Variants in GRIP1 observed in about 807,000 individuals in gnomAD.
The protein encoded by GRIP1 is glutamate receptor-interacting protein 1.
Under a neutral mutation model 129.9 loss-of-function variants are expected in GRIP1, and 45 were observed. The observed-to-expected ratio is 0.35, with a 90% confidence interval of 0.27 to 0.44. GRIP1 has a LOEUF of 0.44. Among genes scored for constraint, GRIP1 ranks in the 20% least tolerant of loss-of-function variants. The pLI, the probability that GRIP1 is intolerant of heterozygous loss-of-function variation, is 1.00. For missense variants in GRIP1, 1,196 were observed against 1,396.8 expected (o/e 0.86, Z 2.29); for synonymous variants, 530 against 520.8 (o/e 1.02, Z -0.24).
intron 15 of GRIP1, among the ~76,000 whole-genome samples, chr12:66,410,337 A>C (rs1316160024): frequency 6.7e-6 from 1 of 149,608 alleles, no homozygotes. Context: ...AGATGAAAGA[A>C]AAAAAAAAGC....
chr12:66,438,514 GT>G (rs34393525), intron 13 of GRIP1, among the ~76,000 whole-genome samples: 63,813 of 139,368 alleles, frequency 0.46, 17,387 homozygotes, highest in Non-Finnish European at 0.62. Context: ...TTGAGACGGA[GT>G]TTTTTTTTTT....
rs376336045 is a variant in GRIP1, at chr12:66,692,413, C to T, written c.-419-62077G>A. On this transcript the variant is annotated intron_variant, in intron 1 of 4. Coordinates refer to the GRIP1 transcript ENST00000538373. ...GGCACTGCGTCTACATGGCATCTTA[C>T]AACTCTTTGATTGCTGTGATGACAG... 7.9e-5 allele frequency among the ~76,000 whole-genome samples: 12 copies of T among 152,274 alleles called. No homozygotes were observed. In the East Asian group the frequency reaches 1.9e-3, roughly 24 times the overall value.
chr12:66,501,677 C>T (rs1247852037), intron 7 of GRIP1, among the ~76,000 whole-genome samples: 1 of 152,142 alleles, frequency 6.6e-6, no homozygotes, highest in Non-Finnish European at 1.5e-5. Flanking sequence ...ATCGCCTCCC[C>T]TGACAGAATT....
upstream of GRIP1, among the ~76,000 whole-genome samples, chr12:66,805,982 T>C (rs527373877): frequency 2.5e-4 from 38 of 150,946 alleles, no homozygotes; most frequent in South Asian, 7.7e-3. Context: ...TTTTTTCTTT[T>C]TTTTTTTTTT....
intron 1 of GRIP1, among the ~76,000 whole-genome samples, chr12:66,622,128 G>C (rs1183737338): frequency 6.6e-6 from 1 of 151,650 alleles, no homozygotes; most frequent in South Asian, 2.1e-4. Context: ...TTTTCTTCTG[G>C]TGGCTGTGCT....
chr12:66,542,467 A>G (rs980411016), intron 2 of GRIP1, among the ~76,000 whole-genome samples: 4 of 152,222 alleles, frequency 2.6e-5, no homozygotes, highest in Non-Finnish European at 4.4e-5. Context: ...TTGTCTTTCA[A>G]AAACAAAGTA....
At chr12:66,529,360 T>C (rs530833328) in intron 5 of GRIP1, among the ~76,000 whole-genome samples, 1 of 152,346 alleles carries the variant, frequency 6.6e-6, no homozygotes, top group South Asian at 2.1e-4. Context: ...GCAGCACGAT[T>C]TGCAATTGCA....
intron 1 of GRIP1, among the ~76,000 whole-genome samples, chr12:67,027,210 C>T (rs928263940): frequency 2.6e-5 from 4 of 152,196 alleles, no homozygotes; most frequent in Admixed American, 1.3e-4. Context: ...CAGTGAGCAC[C>T]TGAACTTCCA....
chr12:66,881,072 T>C (rs1487102118), intron 1 of GRIP1, among the ~76,000 whole-genome samples: 1 of 152,180 alleles, frequency 6.6e-6, no homozygotes, highest in Admixed American at 6.5e-5. Context: ...AGTTTTCACT[T>C]TTTTCCTTTC....
rs150327795 is a variant in GRIP1 at position 67,028,987 on chromosome 12, G to A, written c.58+40063C>T. On this transcript the variant is annotated intron_variant, in intron 1 of 1. Coordinates refer to the GRIP1 transcript ENST00000643019. Reference sequence around the variant, plus strand: ...ATAATTTTATAAACATGAAGTCTTGGGCTTCAATATTTAATAGGTTTACAT... The same window carrying A: ...ATAATTTTATAAACATGAAGTCTTGAGCTTCAATATTTAATAGGTTTACAT... Among the ~76,000 whole-genome samples, 420 of 151,908 alleles carry A rather than the reference G, an allele frequency of 2.8e-3. 3 individuals carry two copies. Among genetic ancestry groups the A allele is most frequent in the African/African-American group, 9.6e-3 (399 of 41,434 alleles).
intron 1 of GRIP1, among the ~76,000 whole-genome samples, chr12:67,014,998 A>G (rs748127675): frequency 1.3e-5 from 2 of 152,318 alleles, no homozygotes; most frequent in East Asian, 1.9e-4. Context: ...AAATAAATAA[A>G]TGGAAAAATA....
At chr12:66,928,315 G>A (rs184238792) in intron 1 of GRIP1, among the ~76,000 whole-genome samples, 110 of 152,314 alleles carry the variant, frequency 7.2e-4, no homozygotes, top group Non-Finnish European at 5.7e-4. Flanking sequence ...CAGTCGGAGA[G>A]TAAAGCATCT....
At chr12:66,715,178 T>C (rs1018314221) in intron 1 of GRIP1, among the ~76,000 whole-genome samples, 1 of 151,964 alleles carries the variant, frequency 6.6e-6, no homozygotes, top group Non-Finnish European at 1.5e-5. Context: ...GCATAAACAT[T>C]TAAACTCTTC....
chr12:66,604,966 G>A (rs1290593895), intron 1 of GRIP1, among the ~76,000 whole-genome samples: 3 of 151,784 alleles, frequency 2.0e-5, no homozygotes, highest in Non-Finnish European at 2.9e-5. Flanking sequence ...TGAGTGGTAG[G>A]ATTAATAGAA....
At chr12:66,631,720 A>T (rs1367011885) in intron 1 of GRIP1, among the ~76,000 whole-genome samples, 1 of 152,242 alleles carries the variant, frequency 6.6e-6, no homozygotes, top group Non-Finnish European at 1.5e-5. Context: ...TGGGAGACTG[A>T]TGACAAATTA....
rs535023632 is a variant in GRIP1, at chr12:66,687,844, A to T, written c.-419-57508T>A. Reference sequence around the variant, plus strand: ...CAAGGCTGACTAAGTGGAACATACAATCCCTTAGTCACGGGGACTGGTCCA... The same window carrying T: ...CAAGGCTGACTAAGTGGAACATACATTCCCTTAGTCACGGGGACTGGTCCA... On this transcript the variant is annotated intron_variant, in intron 1 of 4. Transcript: ENST00000538373. Among the ~76,000 whole-genome samples the T allele has an allele frequency of 2.6e-5, 4 of 152,284 alleles. No individual in the cohort carries two copies. The East Asian group carries it at 7.7e-4, about 29-fold the overall frequency.
chr12:66,705,359 A>C (rs1457347407), intron 1 of GRIP1, among the ~76,000 whole-genome samples: 1 of 151,962 alleles, frequency 6.6e-6, no homozygotes, highest in Non-Finnish European at 1.5e-5. Context: ...GGATATGAGG[A>C]GCCTCTTCAA....
chr12:67,023,021 C>T (rs890545441), intron 1 of GRIP1, among the ~76,000 whole-genome samples: 6 of 152,108 alleles, frequency 3.9e-5, no homozygotes, highest in African/African-American at 1.4e-4. Flanking sequence ...TTTATTATTA[C>T]AGAGTTTTGA....
intron 7 of GRIP1, among the ~76,000 whole-genome samples, chr12:66,504,961 G>A (rs924295096): frequency 9.9e-5 from 15 of 152,088 alleles, no homozygotes; most frequent in African/African-American, 1.9e-4. Context: ...TTTTCTAGTC[G>A]GTTCCTGTCT....
Sources: allele counts gnomAD v4.1 joint callset (sites outside exome capture counted in the v4.1 genomes callset), GRCh38; gene constraint gnomAD v4.1.1; transcripts MANE v1.5; gene names NCBI Gene and HGNC (gene_info 2026-07-23, HGNC 2026-07-21).